The following KCNMB2 variants were observed in gnomAD, a reference collection of about 807,000 sequenced individuals.
KCNMB2 encodes calcium-activated potassium channel subunit beta-2.
KCNMB2 carries 9 observed loss-of-function variants against 24.5 expected under a neutral mutation model. That is an observed-to-expected ratio of 0.37 (90% CI 0.22 to 0.64). The LOEUF is 0.64. Ranked by LOEUF, KCNMB2 falls within the 30% of genes least tolerant of loss-of-function variation. KCNMB2 has a pLI of 0.63. For missense variants in KCNMB2, 226 were observed against 284.3 expected (o/e 0.79, Z 1.47); for synonymous variants, 109 against 104.4 (o/e 1.04, Z -0.27).
At chr3:178,698,603 A>G (rs1254463551) in intron 1 of KCNMB2, among the ~76,000 whole-genome samples, 1 of 152,138 alleles carries the variant, frequency 6.6e-6, no homozygotes, top group Non-Finnish European at 1.5e-5. Flanking sequence ...TATATACCGA[A>G]TTCTATTTTC....
chr3:178,660,930 A>G (rs1720502942), intron 1 of KCNMB2, among the ~76,000 whole-genome samples: 1 of 152,084 alleles, frequency 6.6e-6, no homozygotes, highest in African/African-American at 2.4e-5. Flanking sequence ...TAGCAGCATT[A>G]TATTGCCCCT....
chr3:178,734,883 A>G (rs949026600), intron 1 of KCNMB2, among the ~76,000 whole-genome samples: 1 of 152,220 alleles, frequency 6.6e-6, no homozygotes, highest in Non-Finnish European at 1.5e-5. Context: ...ACTAACGTTC[A>G]TATTCAAGTT....
intron 4 of KCNMB2, among the ~76,000 whole-genome samples, chr3:178,836,908 G>A (rs772380813): frequency 6.6e-6 from 1 of 151,998 alleles, no homozygotes; most frequent in Non-Finnish European, 1.5e-5. Flanking sequence ...TTATTGAAAT[G>A]CATTCTATGT....
intron 1 of KCNMB2, among the ~76,000 whole-genome samples, chr3:178,704,499 T>C (rs1722211467): frequency 6.6e-6 from 1 of 152,166 alleles, no homozygotes; most frequent in Admixed American, 6.6e-5. Context: ...TTTCAAGTGT[T>C]CCATTGTCAT....
At chr3:178,699,367 G>A (rs1577107463) in intron 1 of KCNMB2, among the ~76,000 whole-genome samples, 1 of 152,182 alleles carries the variant, frequency 6.6e-6, no homozygotes, top group South Asian at 2.1e-4. Context: ...GCATCCTGAT[G>A]GGCAAAGTAA....
chr3:178,800,793 T>C (rs1713744017), intron 1 of KCNMB2, among the ~76,000 whole-genome samples: 1 of 152,126 alleles, frequency 6.6e-6, no homozygotes, highest in Admixed American at 6.6e-5. Flanking sequence ...CATCAACAGA[T>C]GAATAGATAA....
At chr3:178,565,054 C>T (rs892645199) in intron 1 of KCNMB2, among the ~76,000 whole-genome samples, 4 of 151,768 alleles carry the variant, frequency 2.6e-5, no homozygotes, top group African/African-American at 9.7e-5. Flanking sequence ...ATCAAAAATA[C>T]AAAAATATCA....
intron 2 of KCNMB2, among the ~76,000 whole-genome samples, chr3:178,825,064 G>A (rs1714782959): frequency 6.6e-6 from 1 of 152,190 alleles, no homozygotes; most frequent in African/African-American, 2.4e-5. Context: ...GCCCTAAGCA[G>A]CTCTCAGCTT....
At chr3:178,636,871 C>T (rs933418268) in intron 1 of KCNMB2, among the ~76,000 whole-genome samples, 7 of 152,100 alleles carry the variant, frequency 4.6e-5, no homozygotes, top group African/African-American at 1.7e-4. Context: ...TGCCCCCCAA[C>T]AGACCACAGT....
At chr3:178,586,492 G>C (rs1322524584) in intron 1 of KCNMB2, among the ~76,000 whole-genome samples, 1 of 146,544 alleles carries the variant, frequency 6.8e-6, no homozygotes, top group African/African-American at 2.5e-5. Flanking sequence ...CAGAAGAATA[G>C]AAGGAGGTGG....
At chr3:178,828,458 T>A (rs995460445) in intron 4 of KCNMB2, 85 bp downstream of exon 4, 1 of 1,001,790 alleles carries the variant, frequency 1.0e-6, no homozygotes, top group Non-Finnish European at 1.5e-6. Context: ...TTTGCCAGCA[T>A]TTCAAAGGAA....
intron 1 of KCNMB2, among the ~76,000 whole-genome samples, chr3:178,782,081 A>G (rs1161156478): frequency 8.6e-6 from 1 of 116,146 alleles, no homozygotes; most frequent in Non-Finnish European, 1.8e-5. Flanking sequence ...GAGAATGATG[A>G]TTTCCAATTT....
At chr3:178,699,092 G>C (rs188444065) in intron 1 of KCNMB2, among the ~76,000 whole-genome samples, 2 of 152,342 alleles carry the variant, frequency 1.3e-5, no homozygotes, top group African/African-American at 2.4e-5. Flanking sequence ...CAACCAGGGG[G>C]TACAGAGGGC....
At chr3:178,698,754 CCTT>C (rs1376967106) in intron 1 of KCNMB2, among the ~76,000 whole-genome samples, 1 of 152,164 alleles carries the variant, frequency 6.6e-6, no homozygotes, top group Non-Finnish European at 1.5e-5. Flanking sequence ...GGTTTATCTA[CCTT>C]CAATCTTTGA....
rs182319956 is a variant in KCNMB2, at chr3:178,568,215, T to C, written c.-68+31504T>C. Among the ~76,000 whole-genome samples the C allele has an allele frequency of 7.0e-4, 106 of 152,252 alleles. 1 individual carries two copies. The highest frequency in any genetic ancestry group is 2.4e-3 in the African/African-American group (100 of 41,554). On this transcript the variant is annotated intron_variant, in intron 1 of 4. Transcript: ENST00000452583. ...ACTCAGACACAGATAAGAAGATATG[T>C]AATCACAGACAGAAAGAAAAAGTAG...
chr3:178,830,551 A>G (rs970205448), intron 4 of KCNMB2, among the ~76,000 whole-genome samples: 7 of 152,172 alleles, frequency 4.6e-5, no homozygotes, highest in African/African-American at 1.7e-4. Context: ...TCCAAAATGT[A>G]TATGCAAATA....
At chr3:178,801,341 GAAAGA>G (rs1231647947) in intron 1 of KCNMB2, among the ~76,000 whole-genome samples, 4 of 151,952 alleles carry the variant, frequency 2.6e-5, no homozygotes, top group Non-Finnish European at 5.9e-5. Context: ...TAAAAAGAAA[GAAAGA>G]AAAGAAGTCT....
At chr3:178,546,363 T>C (rs1715772232) in intron 1 of KCNMB2, among the ~76,000 whole-genome samples, 2 of 152,242 alleles carry the variant, frequency 1.3e-5, no homozygotes, top group Non-Finnish European at 2.9e-5. Flanking sequence ...AAGAAAGCTA[T>C]CTTTTTTCAT....
At chr3:178,833,373 A>T (rs1255918527) in intron 4 of KCNMB2, among the ~76,000 whole-genome samples, 2 of 152,142 alleles carry the variant, frequency 1.3e-5, no homozygotes, top group Non-Finnish European at 2.9e-5. Context: ...GGCACCAAAC[A>T]TTTGGCTCAC....
Sources: gnomAD v4.1 joint callset for allele counts (sites outside exome capture counted in the v4.1 genomes callset) on GRCh38, gnomAD v4.1.1 for gene constraint, MANE v1.5 for transcripts, NCBI Gene and HGNC (gene_info 2026-07-23, HGNC 2026-07-21) for gene names.